The following PCDH7 variants were observed in gnomAD, a reference collection of about 807,000 sequenced individuals.
PCDH7 encodes the protein protocadherin 7.
PCDH7 carries 17 observed loss-of-function variants against 58.9 expected under a neutral mutation model. That is an observed-to-expected ratio of 0.29 (90% CI 0.20 to 0.43). PCDH7 has a LOEUF of 0.43. PCDH7 is among the 20% of genes least tolerant of loss of function. PCDH7 has a pLI of 1.00. For missense variants in PCDH7, 1,274 were observed against 1,441.0 expected (o/e 0.88, Z 1.88); for synonymous variants, 664 against 616.4 (o/e 1.08, Z -1.14).
intron 2 of PCDH7, among the ~76,000 whole-genome samples, chr4:30,929,812 C>T (rs989344268): frequency 6.6e-6 from 1 of 152,098 alleles, no homozygotes; most frequent in Admixed American, 6.6e-5. Context: ...CCTCAGAACC[C>T]CAGTGCCCAA....
intron 1 of PCDH7, among the ~76,000 whole-genome samples, chr4:30,779,527 A>G (rs1722515304): frequency 6.6e-6 from 1 of 152,218 alleles, no homozygotes; most frequent in Non-Finnish European, 1.5e-5. Flanking sequence ...CACAAATCAT[A>G]TTAAAAGATA....
intron 3 of PCDH7, among the ~76,000 whole-genome samples, chr4:30,984,462 A>G (rs975382023): frequency 6.6e-6 from 1 of 152,176 alleles, no homozygotes; most frequent in African/African-American, 2.4e-5. Context: ...TTTACTTCTC[A>G]GGTCTTTAGT....
intron 3 of PCDH7, among the ~76,000 whole-genome samples, chr4:31,138,909 G>A (rs1228889968): frequency 1.3e-5 from 2 of 151,458 alleles, no homozygotes; most frequent in Non-Finnish European, 2.9e-5. Context: ...CTGAGAGGCA[G>A]AGGTTGCGGT....
chr4:30,797,253 G>A (rs557432228), intron 1 of PCDH7, among the ~76,000 whole-genome samples: 1 of 148,938 alleles, frequency 6.7e-6, no homozygotes, highest in East Asian at 2.1e-4. Context: ...ACTTTGTTTT[G>A]TTTTGTTTGG....
At chr4:30,967,793 A>T (rs146361175) in intron 3 of PCDH7, among the ~76,000 whole-genome samples, 1 of 152,292 alleles carries the variant, frequency 6.6e-6, no homozygotes, top group Non-Finnish European at 1.5e-5. Context: ...GTGTCTGAAC[A>T]TTTAGTACCC....
At chr4:30,811,412 A>G (rs540163764) in intron 1 of PCDH7, among the ~76,000 whole-genome samples, 1 of 152,330 alleles carries the variant, frequency 6.6e-6, no homozygotes, top group South Asian at 2.1e-4. Flanking sequence ...AAAGGATGAC[A>G]GTTTAATTGG....
At chr4:31,105,193 G>A (rs1485935085) in intron 3 of PCDH7, among the ~76,000 whole-genome samples, 1 of 152,080 alleles carries the variant, frequency 6.6e-6, no homozygotes, top group Non-Finnish European at 1.5e-5. Context: ...ACTTCTTTGT[G>A]TATAAGTAAA....
At chr4:30,861,978 C>T (rs1734263193) in intron 1 of PCDH7, among the ~76,000 whole-genome samples, 1 of 152,090 alleles carries the variant, frequency 6.6e-6, no homozygotes, top group South Asian at 2.1e-4. Context: ...TATAATCCTA[C>T]TTAGGGCATG....
Position 30,722,132 on chromosome 4 carries a change from C to G in PCDH7, c.710C>G (p.Pro237Arg), listed in dbSNP as rs1713703309. ...TCAGAGGGCGGCGGCGGCACCAACC[C>G]CGGCGGCCGCAGCAGCGTGTTCGAG... Residue 237 changes from proline (P) to arginine (R), a missense_variant, in exon 1 of 2, where the codon CCC becomes CGC. By Grantham distance (103) the Pro-to-Arg change is moderately radical. Coordinates refer to ENST00000361762, the Ensembl canonical transcript of PCDH7. The surrounding 1 kb of genome is among the most constrained non-coding windows in gnomAD (Gnocchi z 7.6). The G allele has an allele frequency of 6.9e-7, 1 of 1,444,084 alleles. No homozygotes were observed. The highest frequency in any genetic ancestry group is 2.6e-5 in the Admixed American group (1 of 38,332). 89.5% of individuals were successfully genotyped at this position (1,444,084 alleles called of 1,614,324 possible). A position where few individuals can be genotyped will look rare whatever the true frequency, so the allele number is the denominator to read the frequency against.
At chr4:31,033,753 T>G (rs1318364355) in intron 3 of PCDH7, among the ~76,000 whole-genome samples, 1 of 152,152 alleles carries the variant, frequency 6.6e-6, no homozygotes, top group Non-Finnish European at 1.5e-5. Flanking sequence ...TCATACTCAC[T>G]TTTATACTCA....
intron 1 of PCDH7, among the ~76,000 whole-genome samples, chr4:30,803,903 G>A (rs1399000014): frequency 6.6e-6 from 1 of 152,028 alleles, no homozygotes; most frequent in African/African-American, 2.4e-5. Flanking sequence ...CTTCCAAGAG[G>A]GACAAAAAAT....
intron 3 of PCDH7, among the ~76,000 whole-genome samples, chr4:31,082,947 A>G (rs1451133841): frequency 1.3e-5 from 2 of 152,112 alleles, no homozygotes; most frequent in African/African-American, 2.4e-5. Context: ...TCTCTACTAA[A>G]AATACAAAAA....
At chr4:30,781,855 T>C (rs1722845674) in intron 1 of PCDH7, among the ~76,000 whole-genome samples, 1 of 152,138 alleles carries the variant, frequency 6.6e-6, no homozygotes, top group African/African-American at 2.4e-5. Flanking sequence ...TTTTCTTATG[T>C]AGCTAATCAG....
At chr4:31,020,951 T>G (rs1429025212) in intron 3 of PCDH7, among the ~76,000 whole-genome samples, 4 of 152,246 alleles carry the variant, frequency 2.6e-5, no homozygotes, top group Non-Finnish European at 5.9e-5. Context: ...TATTTTGCCT[T>G]CTGAATGGTA....
chr4:30,920,667 A>G (rs1743080750), intron 2 of PCDH7, among the ~76,000 whole-genome samples: 1 of 152,162 alleles, frequency 6.6e-6, no homozygotes. Flanking sequence ...TTCCTAAACA[A>G]TAGTCACCAA....
chr4:30,837,957 C>T (rs1432024850), intron 1 of PCDH7, among the ~76,000 whole-genome samples: 1 of 149,400 alleles, frequency 6.7e-6, no homozygotes, highest in Non-Finnish European at 1.5e-5. Flanking sequence ...TTATATGAGA[C>T]CAATTCTGTT....
intron 1 of PCDH7, among the ~76,000 whole-genome samples, chr4:30,778,507 T>C (rs1722359316): frequency 6.6e-6 from 1 of 152,150 alleles, no homozygotes; most frequent in South Asian, 2.1e-4. Context: ...AAAGTAACTT[T>C]GATTATATTT....
At chr4:30,764,591 A>T (rs1720449928) in intron 1 of PCDH7, among the ~76,000 whole-genome samples, 1 of 152,200 alleles carries the variant, frequency 6.6e-6, no homozygotes, top group South Asian at 2.1e-4. Flanking sequence ...TTGTAAATGC[A>T]CTGTGTTAAC....
intron 1 of PCDH7, among the ~76,000 whole-genome samples, chr4:30,788,887 T>G (rs1723761953): frequency 6.6e-6 from 1 of 152,142 alleles, no homozygotes; most frequent in South Asian, 2.1e-4. Context: ...TTAAGACAAT[T>G]TTAAGTCTTA....
Sources: gnomAD v4.1 joint callset for allele counts (sites outside exome capture counted in the v4.1 genomes callset) on GRCh38, gnomAD v4.1.1 for gene constraint, Gnocchi (gnomAD v3.1) non-coding constraint, MANE v1.5 for transcripts, NCBI Gene and HGNC (gene_info 2026-07-23, HGNC 2026-07-21) for gene names.